Variants in ADAMTSL3 observed in about 807,000 individuals in gnomAD.
ADAMTSL3 encodes ADAMTS-like protein 3.
In ADAMTSL3, 128 loss-of-function variants were observed where a neutral mutation model predicts 201.7. The ratio of observed to expected loss-of-function variants is 0.63; its 90% confidence interval spans 0.55 to 0.73. The LOEUF (loss-of-function observed/expected upper bound fraction) is 0.73. ADAMTSL3 is among the 30% of genes least tolerant of loss of function. The pLI, the probability that ADAMTSL3 is intolerant of heterozygous loss-of-function variation, is 0.00. For missense variants in ADAMTSL3, 1,990 were observed against 2,119.6 expected (o/e 0.94, Z 1.20); for synonymous variants, 738 against 748.4 (o/e 0.99, Z 0.23).
chr15:83,665,780 G>A (rs1333260849), intron 2 of ADAMTSL3, among the ~76,000 whole-genome samples: 1 of 152,138 alleles, frequency 6.6e-6, no homozygotes, highest in Non-Finnish European at 1.5e-5. Context: ...TCCGGCCAAC[G>A]TATGCTATAA....
intron 6 of ADAMTSL3, among the ~76,000 whole-genome samples, chr15:83,826,261 A>G (rs941752062): frequency 6.6e-6 from 1 of 151,956 alleles, no homozygotes; most frequent in Non-Finnish European, 1.5e-5. Flanking sequence ...GACTACAGTA[A>G]TGTTCCACCA....
chr15:83,829,611 G>A (rs2064109111), intron 6 of ADAMTSL3, among the ~76,000 whole-genome samples: 1 of 151,990 alleles, frequency 6.6e-6, no homozygotes, highest in South Asian at 2.1e-4. Context: ...TCTTTTAATT[G>A]TGATGTTAGG....
intron 2 of ADAMTSL3, among the ~76,000 whole-genome samples, chr15:83,663,024 C>G (rs1466451388): frequency 2.0e-5 from 3 of 152,154 alleles, no homozygotes; most frequent in Non-Finnish European, 4.4e-5. Flanking sequence ...GGTCTTCTCA[C>G]CTAGCAGGCA....
At chr15:83,678,998 C>T (rs1426577387) in intron 2 of ADAMTSL3, among the ~76,000 whole-genome samples, 1 of 149,974 alleles carries the variant, frequency 6.7e-6, no homozygotes, top group Non-Finnish European at 1.5e-5. Flanking sequence ...CCATAGGCCT[C>T]AGATGTTCTG....
chr15:83,781,771 T>C (rs2063173438), intron 4 of ADAMTSL3, among the ~76,000 whole-genome samples: 2 of 151,912 alleles, frequency 1.3e-5, no homozygotes, highest in Non-Finnish European at 2.9e-5. Flanking sequence ...GCAAAGGACA[T>C]GAACAGACAT....
At chr15:83,837,877 CTTAATA>C (rs145155066) in intron 6 of ADAMTSL3, among the ~76,000 whole-genome samples, 5,104 of 151,472 alleles carry the variant, frequency 0.034, 286 homozygotes, top group African/African-American at 0.12. Flanking sequence ...AGCTTCAAAT[CTTAATA>C]TTAATATTTC....
At chr15:83,840,011 ATAGC>A (rs2064344696) in intron 7 of ADAMTSL3, among the ~76,000 whole-genome samples, 1 of 152,134 alleles carries the variant, frequency 6.6e-6, no homozygotes, top group South Asian at 2.1e-4. Flanking sequence ...ATCATGGCTG[ATAGC>A]AAAACCCCTT....
At chr15:83,772,046 G>A (rs977017312) in intron 3 of ADAMTSL3, among the ~76,000 whole-genome samples, 3 of 152,000 alleles carry the variant, frequency 2.0e-5, no homozygotes, top group Non-Finnish European at 4.4e-5. Flanking sequence ...TAGAGATGGG[G>A]TTTTGCCATG....
intron 19 of ADAMTSL3, among the ~76,000 whole-genome samples, chr15:83,957,106 A>G (rs532762335): frequency 1.3e-5 from 2 of 152,242 alleles, no homozygotes; most frequent in East Asian, 1.9e-4. Flanking sequence ...AAAGTGTTGC[A>G]TAAGATGCAG....
At chr15:83,872,454 A>C (rs1596338754) in intron 9 of ADAMTSL3, among the ~76,000 whole-genome samples, 2 of 152,116 alleles carry the variant, frequency 1.3e-5, no homozygotes, top group East Asian at 3.9e-4. Flanking sequence ...CTTCTTAGAC[A>C]GTCATATTAT....
intron 12 of ADAMTSL3, 120 bp downstream of exon 12, chr15:83,891,499 G>A: frequency 1.2e-6 from 1 of 802,764 alleles, no homozygotes; most frequent in Non-Finnish European, 2.0e-6. Context: ...TAGAGCTAAG[G>A]GAAAACAGAC....
chr15:83,748,668 AAAAAT>A (rs1329438207), intron 3 of ADAMTSL3, among the ~76,000 whole-genome samples: 12 of 151,488 alleles, frequency 7.9e-5, no homozygotes, highest in African/African-American at 2.9e-4. Context: ...AAAAAAAAAA[AAAAAT>A]ACCACACACA....
chr15:83,837,834 A>G (rs2064304911), intron 6 of ADAMTSL3, among the ~76,000 whole-genome samples: 1 of 151,946 alleles, frequency 6.6e-6, no homozygotes, highest in Non-Finnish European at 1.5e-5. Context: ...CTGAATAAAA[A>G]TATAAATAGA....
intron 16 of ADAMTSL3, among the ~76,000 whole-genome samples, chr15:83,915,019 C>A (rs1484701212): frequency 6.6e-6 from 1 of 152,160 alleles, no homozygotes; most frequent in Non-Finnish European, 1.5e-5. Flanking sequence ...GTCCCCTATT[C>A]AGTCACAATA....
At position 83,982,685 on chromosome 15, in the gene ADAMTSL3, C is replaced by T. The variant is rs1223505350; in HGVS notation, c.3057C>T (p.Asp1019=). ...REPMREYPGM[D]HSEANSLGVT... ...CTATGAGGGAATATCCTGGGATGGA[C>T]CACAGCGAAGCCAATAGTTTGGGAG... Residue 1019 remains aspartate (D), a synonymous_variant, in exon 21 of 30, where the codon GAC becomes GAT. Coordinates refer to ENST00000286744, the MANE Select transcript of ADAMTSL3 (RefSeq NM_207517.3). 4 of 1,613,962 alleles carry T rather than the reference C, an allele frequency of 2.5e-6. No individual in the cohort carries two copies. Among genetic ancestry groups the T allele is most frequent in the African/African-American group, 2.7e-5 (2 of 74,920 alleles).
At chr15:83,655,003 C>T (rs1033290426) in intron 1 of ADAMTSL3, among the ~76,000 whole-genome samples, 2 of 152,194 alleles carry the variant, frequency 1.3e-5, no homozygotes, top group African/African-American at 2.4e-5. Flanking sequence ...AGTGTGACCT[C>T]GGCTTTTCCA....
In ADAMTSL3 at chr15:84,036,775, C is replaced by A. The variant is rs1467578874; in HGVS notation, c.4757C>A (p.Pro1586His). 2 of 1,604,582 alleles carry A rather than the reference C, an allele frequency of 1.2e-6. No individual in the cohort carries two copies. The highest frequency in any genetic ancestry group is 1.7e-6 in the Non-Finnish European group (2 of 1,175,594). Residue 1586 changes from proline (P) to histidine (H), a missense_variant and splice_region_variant, in exon 29 of 30, where the codon CCC becomes CAC. Coordinates refer to ENST00000286744, the MANE Select transcript of ADAMTSL3 (RefSeq NM_207517.3). ...TTTTGTTTTATTTTTCACTTCAGACCCACCTTAAGAAGGAACTGCACATCA... is the reference window on the plus strand; with the variant it reads ...TTTTGTTTTATTTTTCACTTCAGACACACCTTAAGAAGGAACTGCACATCA... Reference protein sequence around the residue: ...SDSNCDDRKRPTLRRNCTSGA... With the variant: ...SDSNCDDRKRHTLRRNCTSGA...
intron 15 of ADAMTSL3, among the ~76,000 whole-genome samples, chr15:83,909,547 A>G (rs1035362389): frequency 2.0e-5 from 3 of 152,174 alleles, no homozygotes; most frequent in African/African-American, 4.8e-5. Flanking sequence ...CAGAAAATCA[A>G]TTTTATAGAG....
chr15:83,801,574 A>G (rs1251446985), intron 4 of ADAMTSL3, among the ~76,000 whole-genome samples: 1 of 146,492 alleles, frequency 6.8e-6, no homozygotes, highest in African/African-American at 2.5e-5. Flanking sequence ...TGTAGTGTGG[A>G]GGAATATCTG....
Sources: gnomAD v4.1 joint callset for allele counts (sites outside exome capture counted in the v4.1 genomes callset) on GRCh38, gnomAD v4.1.1 for gene constraint, MANE v1.5 for transcripts, NCBI Gene and HGNC (gene_info 2026-07-23, HGNC 2026-07-21) for gene names.